Variants in FOCAD observed in about 807,000 individuals in gnomAD.
FOCAD encodes the protein KIAA1797.
Under a neutral mutation model 225.6 loss-of-function variants are expected in FOCAD, and 198 were observed. That is an observed-to-expected ratio of 0.88 (90% CI 0.78 to 0.99). FOCAD has a LOEUF of 0.99. FOCAD is among the 50% of genes least tolerant of loss of function. FOCAD has a pLI of 0.00. For synonymous variants in FOCAD, 897 were observed against 755.0 expected (o/e 1.19, Z -3.08); for missense variants, 2,713 against 2,123.6 (o/e 1.28, Z -5.46).
In FOCAD at chr9:20,874,732, G is replaced by C; in HGVS notation, c.2242G>C (p.Glu748Gln). 1 of 1,613,636 alleles carries C rather than the reference G, an allele frequency of 6.2e-7. No individual in the cohort carries two copies. Among genetic ancestry groups the C allele is most frequent in the Admixed American group, 1.7e-5 (1 of 59,994 alleles). Residue 748 changes from glutamate (E) to glutamine (Q), a missense_variant, in exon 19 of 44, where the codon GAG (glutamate) becomes CAG (glutamine). Coordinates refer to ENST00000338382, the MANE Select transcript of FOCAD (RefSeq NM_001375567.1). The part of the protein sequence containing the change: ...PEELDDDEDV[E>Q]DVDLSVPGSC... ...AGAGTTAGATGACGATGAAGATGTT[G>C]AGGATGTGGATCTTTCAGTTCCTGG...
rs570163924 is a variant in FOCAD at position 20,831,191 on chromosome 9, G to T, written c.1920+8076G>T. On this transcript the variant is annotated intron_variant, in intron 15 of 43. Coordinates refer to ENST00000338382, the MANE Select transcript of FOCAD (RefSeq NM_001375567.1). Reference sequence around the variant, plus strand: ...CTCTTGATATCATAATCTCGTAAAGGTTATTGTCTGTTCCCAAAGATGTTC... The same window carrying T: ...CTCTTGATATCATAATCTCGTAAAGTTTATTGTCTGTTCCCAAAGATGTTC... Among the ~76,000 whole-genome samples, 15 of 152,082 alleles carry T rather than the reference G, an allele frequency of 9.9e-5. No homozygotes were observed. The South Asian group carries it at 2.3e-3, about 23-fold the overall frequency.
chr9:20,762,680 C>T (rs1035361521), intron 6 of FOCAD, among the ~76,000 whole-genome samples: 2 of 152,072 alleles, frequency 1.3e-5, no homozygotes, highest in African/African-American at 4.8e-5. Context: ...AAAGAATTCC[C>T]TTTTATTTTA....
rs950940063 is a variant in FOCAD at position 20,949,816 on chromosome 9, G to A, written c.3948+141G>A. ...CCCGCTGAGTTCAAGAGGCATTTGG[G>A]AGTGATGTGTGGACCTGTGTTAACT... On this transcript the variant is annotated intron_variant, in intron 33 of 43. Coordinates refer to ENST00000338382, the MANE Select transcript of FOCAD (RefSeq NM_001375567.1). The A allele has an allele frequency of 8.8e-5, 60 of 678,800 alleles. No individual in the cohort carries two copies. The Middle Eastern group carries it at 3.0e-3, about 33-fold the overall frequency. 42.0% of individuals were successfully genotyped at this position (678,800 alleles called of 1,614,324 possible).
chr9:20,952,847 CAA>C, intron 34 of FOCAD, 136 bp from the exon 35 acceptor site: 1 of 692,290 alleles, frequency 1.4e-6, no homozygotes, highest in South Asian at 1.7e-5. Context: ...GTTGCAGCCA[CAA>C]AGTGTTGTGC....
In FOCAD at chr9:20,948,857, C is replaced by A. The variant is rs544335294; in HGVS notation, c.3805C>A (p.Pro1269Thr). ...TCTGATGCTTTGTTTTCAGGGCACT[C>A]CCACAATGCTTTGTCTGGCAGCTCT... ...WIRIVLTEGT[P>T]TMLCLAALHG... Residue 1269 changes from proline to threonine, a missense_variant, in exon 32 of 44, where the codon CCC (proline) becomes ACC (threonine). Pro to Thr is a conservative substitution (Grantham distance 38, BLOSUM62 -1). Coordinates refer to ENST00000338382, the MANE Select transcript of FOCAD (RefSeq NM_001375567.1). 7 of 1,613,414 alleles carry A rather than the reference C, an allele frequency of 4.3e-6. No individual in the cohort carries two copies. The East Asian group carries it at 1.6e-4, about 36-fold the overall frequency.
At position 20,926,324 on chromosome 9, in the gene FOCAD, G is replaced by A. The variant is rs1171956981; in HGVS notation, c.2985G>A (p.Met995Ile). 2 of 1,611,554 alleles carry A rather than the reference G, an allele frequency of 1.2e-6. No individual in the cohort carries two copies. Among genetic ancestry groups the A allele is most frequent in the Admixed American group, 3.3e-5 (2 of 59,986 alleles). Reference protein sequence around the residue: ...LLEVQPNFLSMKEWVSMVLDT... With the variant: ...LLEVQPNFLSIKEWVSMVLDT... ...AGGTTCAACCTAATTTCCTTTCAAT[G>A]AAAGAGTGGGTTTCCATGGTACTTG... Residue 995 changes from methionine (M) to isoleucine (I), a missense_variant, in exon 26 of 44, where the codon ATG becomes ATA. Transcript: ENST00000338382.
chr9:20,903,383 G>A (rs1317043315), intron 21 of FOCAD, among the ~76,000 whole-genome samples: 1 of 151,912 alleles, frequency 6.6e-6, no homozygotes, highest in African/African-American at 2.4e-5. Context: ...TCTCTTTCCT[G>A]GATTGTTGAC....
At chr9:20,946,950 T>G in intron 30 of FOCAD, 130 bp downstream of exon 30, 1 of 1,170,798 alleles carries the variant, frequency 8.5e-7, no homozygotes, top group Non-Finnish European at 1.2e-6. Flanking sequence ...CTTCTAACTA[T>G]TCTCTTTTCT....
chr9:20,883,090 A>G (rs1336625557), intron 20 of FOCAD, among the ~76,000 whole-genome samples: 2 of 152,326 alleles, frequency 1.3e-5, no homozygotes, highest in Admixed American at 6.5e-5. Flanking sequence ...TTGATTGACA[A>G]TAACACCATT....
intron 7 of FOCAD, 38 bp downstream of exon 7, chr9:20,765,111 A>G (rs374021446): frequency 2.2e-5 from 35 of 1,556,134 alleles, no homozygotes; most frequent in Non-Finnish European, 2.9e-5. Flanking sequence ...ATAGGTCAGC[A>G]TCAGTAAGTG....
At chr9:20,673,044 G>C (rs2131283204) in intron 2 of FOCAD, among the ~76,000 whole-genome samples, 1 of 152,268 alleles carries the variant, frequency 6.6e-6, no homozygotes, top group African/African-American at 2.4e-5. Flanking sequence ...TATTCCCATT[G>C]CTTGGAGTAT....
chr9:20,690,483 C>T (rs1258569174), intron 1 of FOCAD, among the ~76,000 whole-genome samples: 3 of 152,140 alleles, frequency 2.0e-5, no homozygotes, highest in African/African-American at 4.8e-5. Flanking sequence ...GGCTTTCTCC[C>T]TCACCTCTAT....
chr9:20,682,845 A>C (rs1189284961), upstream of FOCAD, among the ~76,000 whole-genome samples: 14 of 152,138 alleles, frequency 9.2e-5, no homozygotes, highest in Non-Finnish European at 1.9e-4. Context: ...ACCTCGGCTC[A>C]CTGCAACCTC....
At chr9:20,737,781 T>G (rs1299829626) in intron 4 of FOCAD, among the ~76,000 whole-genome samples, 1 of 152,216 alleles carries the variant, frequency 6.6e-6, no homozygotes, top group Non-Finnish European at 1.5e-5. Context: ...GCTGCAGGAC[T>G]GCATCCCTGA....
At chr9:20,694,977 T>C (rs751595754) in intron 1 of FOCAD, among the ~76,000 whole-genome samples, 1 of 152,230 alleles carries the variant, frequency 6.6e-6, no homozygotes, top group African/African-American at 2.4e-5. Flanking sequence ...TATGTCTGTT[T>C]AGTCACTTAT....
chr9:20,985,837 C>G (rs1451196734), intron 39 of FOCAD, among the ~76,000 whole-genome samples: 2 of 152,122 alleles, frequency 1.3e-5, no homozygotes. Flanking sequence ...ACAATGAATA[C>G]TAGTACACTT....
intron 9 of FOCAD, among the ~76,000 whole-genome samples, chr9:20,780,085 G>T (rs924350118): frequency 5.9e-5 from 9 of 152,196 alleles, no homozygotes; most frequent in Non-Finnish European, 1.2e-4. Flanking sequence ...GCTTTATTGA[G>T]GTGTAATTTA....
intron 2 of FOCAD, among the ~76,000 whole-genome samples, chr9:20,675,378 C>T (rs1210149529): frequency 6.6e-6 from 1 of 152,182 alleles, no homozygotes; most frequent in Non-Finnish European, 1.5e-5. Flanking sequence ...TTGTGTCATG[C>T]TTTTAAGGCA....
Position 20,912,848 on chromosome 9 carries a change from A to T in FOCAD, c.2719-18A>T. 2 of 1,606,594 alleles carry T rather than the reference A, an allele frequency of 1.2e-6. No homozygotes were observed. The highest frequency in any genetic ancestry group is 8.5e-7 in the Non-Finnish European group (1 of 1,173,698). On this transcript the variant is annotated intron_variant, in intron 22 of 43. Transcript: ENST00000338382. ...AGCCATCGAGTTCACATGCTGATTT[A>T]TGCTGTGATTTTTGCAGGGAAGACT...
Sources: gnomAD v4.1 joint callset for allele counts (sites outside exome capture counted in the v4.1 genomes callset) on GRCh38, gnomAD v4.1.1 for gene constraint, MANE v1.5 for transcripts, NCBI Gene and HGNC (gene_info 2026-07-23, HGNC 2026-07-21) for gene names.